The following ARL17B variants were observed in gnomAD, a reference collection of about 807,000 sequenced individuals.
ARL17B encodes the protein ADP-ribosylation factor-like protein 17.
intron 4 of ARL17B, among the ~76,000 whole-genome samples, chr17:46,283,632 C>T (rs1407581113): frequency 2.6e-5 from 4 of 152,238 alleles, no homozygotes; most frequent in African/African-American, 9.6e-5. Context: ...TGGGTTGCCC[C>T]TCCACACCTG....
chr17:46,277,725 C>T (rs2049630821), intron 4 of ARL17B, among the ~76,000 whole-genome samples: 1 of 151,904 alleles, frequency 6.6e-6, no homozygotes, highest in Non-Finnish European at 1.5e-5. Context: ...CAGCTCACTG[C>T]AACCTCCTCC....
chr17:46,285,474 T>C (rs2049881957), intron 4 of ARL17B, among the ~76,000 whole-genome samples: 1 of 151,950 alleles, frequency 6.6e-6, no homozygotes, highest in South Asian at 2.1e-4. Context: ...ACTCCTGACC[T>C]CATGATTTGC....
intron 4 of ARL17B, among the ~76,000 whole-genome samples, chr17:46,277,137 G>A (rs1192780340): frequency 1.3e-5 from 2 of 152,322 alleles, no homozygotes; most frequent in South Asian, 4.1e-4. Context: ...TTGAGCAAAC[G>A]TCTCCATTCA....
chr17:46,287,766 C>T (rs1309711869), intron 4 of ARL17B, among the ~76,000 whole-genome samples: 10 of 152,220 alleles, frequency 6.6e-5, no homozygotes, highest in African/African-American at 2.2e-4. Context: ...AGATAGTTAT[C>T]CAGAATCTGT....
intron 3 of ARL17B, among the ~76,000 whole-genome samples, chr17:46,317,148 C>G (rs1385949843): frequency 1.1e-5 from 1 of 90,060 alleles, no homozygotes; most frequent in African/African-American, 3.0e-5. Context: ...GATGGGGTGG[C>G]GGCCGGGCAG....
intron 3 of ARL17B, among the ~76,000 whole-genome samples, chr17:46,323,460 GA>G (rs2051510847): frequency 1.0e-5 from 1 of 98,628 alleles, no homozygotes; most frequent in African/African-American, 3.3e-5. Context: ...GCAGCGGCAT[GA>G]CCTAGGCTCA....
chr17:46,288,290 C>T (rs2049971876), intron 4 of ARL17B, among the ~76,000 whole-genome samples: 2 of 150,718 alleles, frequency 1.3e-5, no homozygotes, highest in South Asian at 4.2e-4. Flanking sequence ...TACAGATGTG[C>T]ACCACCAGGC....
In ARL17B at chr17:46,337,692, C is replaced by CGGA. The variant is rs1284058321; in HGVS notation, c.*1805_*1807dup. 3 of 612,540 alleles carry CGGA rather than the reference C, an allele frequency of 4.9e-6. No homozygotes were observed. Among genetic ancestry groups the CGGA allele is most frequent in the Non-Finnish European group, 7.1e-6 (3 of 421,480 alleles). The allele number at this position is 612,540 out of a possible 1,614,324, so 37.9% of individuals were successfully genotyped here. ...TATCCCAGGGACAGCGAAGCCCCAA[C>CGGA]GGAGGAGGAGGAGAGTGAAGCCCTG... On this transcript the variant is annotated 3_prime_UTR_variant, in exon 4 of 4. Coordinates refer to ENST00000450673, the MANE Select transcript of ARL17B (RefSeq NM_001039083.5).
At chr17:46,283,629 C>T (rs1238807454) in intron 4 of ARL17B, among the ~76,000 whole-genome samples, 3 of 152,218 alleles carry the variant, frequency 2.0e-5, no homozygotes, top group Non-Finnish European at 2.9e-5. Flanking sequence ...GGGTGGGTTG[C>T]CCCTCCACAC....
At chr17:46,280,059 T>C (rs2143339688) in intron 4 of ARL17B, among the ~76,000 whole-genome samples, 1 of 152,272 alleles carries the variant, frequency 6.6e-6, no homozygotes, top group African/African-American at 2.4e-5. Flanking sequence ...CTGAACCTCT[T>C]GTTTTCTGAA....
chr17:46,286,675 T>C, intron 4 of ARL17B, among the ~76,000 whole-genome samples: 1 of 152,242 alleles, frequency 6.6e-6, no homozygotes. Flanking sequence ...AAAAGGAATT[T>C]GTAATGTAAG....
At chr17:46,277,622 ATTTCT>A (rs1302169028) in intron 4 of ARL17B, among the ~76,000 whole-genome samples, 19 of 134,974 alleles carry the variant, frequency 1.4e-4, no homozygotes, top group African/African-American at 4.8e-4. Context: ...CTCTGGGTAG[ATTTCT>A]TTTCTTTTCT....
chr17:46,276,613 T>C (rs1392736032), intron 4 of ARL17B, among the ~76,000 whole-genome samples: 1 of 152,170 alleles, frequency 6.6e-6, no homozygotes, highest in Non-Finnish European at 1.5e-5. Flanking sequence ...GATCATAAAT[T>C]ACAATGGGAA....
intron 4 of ARL17B, among the ~76,000 whole-genome samples, chr17:46,279,482 C>A (rs2049695698): frequency 6.7e-6 from 1 of 150,000 alleles, no homozygotes; most frequent in Non-Finnish European, 1.5e-5. Flanking sequence ...CCGCACCTGG[C>A]CTTTTTTTTC....
chr17:46,282,802 C>G (rs2429436), intron 4 of ARL17B, among the ~76,000 whole-genome samples: 18,349 of 151,934 alleles, frequency 0.12, no homozygotes, highest in Non-Finnish European at 0.18. Flanking sequence ...GAGAAAGCAC[C>G]CCGTGGCTTT....
chr17:46,275,182 G>A (rs1206989783), exon 5 of ARL17B: 25 of 310,536 alleles, frequency 8.1e-5, no homozygotes, highest in Non-Finnish European at 1.4e-4. Context: ...GTGAGCCACC[G>A]CACCTGGCAA....
At chr17:46,340,690 C>G (rs1252155196) in intron 3 of ARL17B, among the ~76,000 whole-genome samples, 2 of 75,904 alleles carry the variant, frequency 2.6e-5, no homozygotes, top group Admixed American at 2.6e-4. Context: ...TTACAGGCAC[C>G]CACCACCATG....
intron 4 of ARL17B, among the ~76,000 whole-genome samples, chr17:46,276,791 T>TTTTC (rs67413447): frequency 0.13 from 17,843 of 137,990 alleles, 1 homozygote; most frequent in Middle Eastern, 0.19. Flanking sequence ...TCTTTTTTTC[T>TTTTC]TTTTTTTTTT....
intron 4 of ARL17B, among the ~76,000 whole-genome samples, chr17:46,289,726 T>C (rs2950665): frequency 6.6e-6 from 1 of 152,232 alleles, no homozygotes; most frequent in Non-Finnish European, 1.5e-5. Context: ...TTTTTCTTCC[T>C]AAATCTTATA....
Sources: gnomAD v4.1 joint callset for allele counts (sites outside exome capture counted in the v4.1 genomes callset) on GRCh38, gnomAD v4.1.1 for gene constraint, MANE v1.5 for transcripts, NCBI Gene and HGNC (gene_info 2026-07-23, HGNC 2026-07-21) for gene names.